Variants in STXBP4 observed in about 807,000 individuals in gnomAD.
The protein encoded by STXBP4 is syntaxin-binding protein 4.
A neutral mutation model predicts 76.1 loss-of-function variants in STXBP4; 55 were observed. That is an observed-to-expected ratio of 0.72 (90% CI 0.58 to 0.91). STXBP4 has a LOEUF of 0.91. Ranked by LOEUF, STXBP4 falls within the 40% of genes least tolerant of loss-of-function variation. The probability of loss-of-function intolerance (pLI) is 0.00; values close to 1 mark genes in which losing one functional copy is unlikely to be tolerated. For missense variants in STXBP4, 618 were observed against 636.9 expected (o/e 0.97, Z 0.32); for synonymous variants, 201 against 220.2 (o/e 0.91, Z 0.77).
At chr17:55,025,004 G>T (rs1008638781) in intron 8 of STXBP4, among the ~76,000 whole-genome samples, 1 of 152,048 alleles carries the variant, frequency 6.6e-6, no homozygotes, top group Non-Finnish European at 1.5e-5. Context: ...AGCCGGGCAT[G>T]GTGGCGGGTG....
chr17:54,973,413 A>G (rs1222202426), intron 1 of STXBP4, among the ~76,000 whole-genome samples: 3 of 152,194 alleles, frequency 2.0e-5, no homozygotes, highest in African/African-American at 4.8e-5. Context: ...TTAGATGCCT[A>G]TTTGTAAGAT....
intron 1 of STXBP4, among the ~76,000 whole-genome samples, chr17:54,982,595 TG>T (rs2077565805): frequency 1.1e-3 from 2 of 1,746 alleles, no homozygotes; most frequent in South Asian, 0.1. Context: ...GAGGGTGGTT[TG>T]TGTGTGTGTG....
chr17:55,081,952 A>G lies in STXBP4; in HGVS notation c.1489+769A>G, dbSNP rs966886076. ...TTTTTCTTTTTGTGTCTCTCCAGAC[A>G]CTTTTGTCTCTTTATGAATTTCAAC... is the stretch of plus-strand genomic sequence containing the variant. On this transcript the variant is annotated intron_variant, in intron 16 of 17. Coordinates refer to ENST00000376352, the MANE Select transcript of STXBP4 (RefSeq NM_178509.6). 6.6e-5 allele frequency among the ~76,000 whole-genome samples: 10 copies of G among 152,270 alleles called. No individual in the cohort carries two copies. In the East Asian group the frequency reaches 1.9e-3, roughly 29 times the overall value.
intron 12 of STXBP4, among the ~76,000 whole-genome samples, chr17:55,068,787 GTC>G (rs2079084591): frequency 6.6e-6 from 1 of 152,046 alleles, no homozygotes; most frequent in African/African-American, 2.4e-5. Flanking sequence ...AGCAAACTGA[GTC>G]TTAGAGAATT....
At chr17:55,186,508 C>G in the STXBP4 span, among the ~76,000 whole-genome samples, 1 of 152,018 alleles carries the variant, frequency 6.6e-6, no homozygotes, top group African/African-American at 2.4e-5. Context: ...TATATCTTTA[C>G]TAAAATCCAA....
At chr17:55,064,705 C>T (rs1224314143) in intron 12 of STXBP4, among the ~76,000 whole-genome samples, 2 of 152,098 alleles carry the variant, frequency 1.3e-5, no homozygotes, top group East Asian at 3.9e-4. Flanking sequence ...AGGGTTTCAC[C>T]ATGTTGGTCA....
chr17:55,024,714 A>C (rs1003449918), intron 8 of STXBP4, among the ~76,000 whole-genome samples: 1 of 152,234 alleles, frequency 6.6e-6, no homozygotes, highest in African/African-American at 2.4e-5. Flanking sequence ...AATGTTCATC[A>C]ATAAAAGAAC....
chr17:55,162,739 T>C lies in STXBP4; in HGVS notation c.*2828T>C, dbSNP rs908734289. The stretch of plus-strand genomic sequence containing the variant: ...ACTTTCCAGAGGTAGCAGTCACTAA[T>C]ACTGTGGTGAGTGATTTTACTCAAA... On this transcript the variant is annotated 3_prime_UTR_variant, in exon 18 of 18. Coordinates refer to ENST00000376352, the MANE Select transcript of STXBP4 (RefSeq NM_178509.6). 3.3e-5 allele frequency: 5 copies of C among 152,216 alleles called. No individual in the cohort carries two copies. The highest frequency in any genetic ancestry group is 9.6e-5 in the African/African-American group (4 of 41,464). The allele number at this position is 152,216 out of a possible 1,614,324, so 9.4% of individuals were successfully genotyped here.
At chr17:55,052,061 T>A (rs2144781955) in intron 12 of STXBP4, among the ~76,000 whole-genome samples, 1 of 152,178 alleles carries the variant, frequency 6.6e-6, no homozygotes, top group Non-Finnish European at 1.5e-5. Flanking sequence ...TATATGTATA[T>A]TTTCCCTAGC....
chr17:55,078,042 A>C (rs1442214780), intron 13 of STXBP4, 36 bp from the exon 14 acceptor site: 1 of 1,354,940 alleles, frequency 7.4e-7, no homozygotes, highest in East Asian at 2.4e-5. Flanking sequence ...AAAACTGAAG[A>C]AATGTGTAAA....
intron 17 of STXBP4, among the ~76,000 whole-genome samples, chr17:55,144,005 G>GCGCACACACA (rs373154905): frequency 7.2e-6 from 1 of 138,938 alleles, no homozygotes; most frequent in African/African-American, 2.7e-5. Flanking sequence ...AAAGCCACCT[G>GCGCACACACA]CACACACACA....
chr17:55,033,863 A>T (rs1043829899), intron 9 of STXBP4, among the ~76,000 whole-genome samples: 1 of 152,198 alleles, frequency 6.6e-6, no homozygotes, highest in African/African-American at 2.4e-5. Flanking sequence ...AAATCATAAT[A>T]TTGTCAAATG....
intron 16 of STXBP4, among the ~76,000 whole-genome samples, chr17:55,103,618 C>T (rs1319380195): frequency 3.9e-4 from 56 of 145,414 alleles, no homozygotes; most frequent in Non-Finnish European, 6.6e-4. Context: ...TGTATGGGCT[C>T]TTTTTTGGTT....
At chr17:55,064,732 G>A (rs1160181206) in intron 12 of STXBP4, among the ~76,000 whole-genome samples, 1 of 152,078 alleles carries the variant, frequency 6.6e-6, no homozygotes, top group East Asian at 1.9e-4. Context: ...TCTCGAACTC[G>A]TGACCTTGCG....
At chr17:54,986,315 A>G (rs974010087) in intron 3 of STXBP4, 49 bp downstream of exon 3, 3 of 1,393,924 alleles carry the variant, frequency 2.2e-6, no homozygotes, top group Non-Finnish European at 3.0e-6. Flanking sequence ...AAATATGTAA[A>G]CTATTAATGA....
rs1401647989 is a variant in STXBP4 at position 55,170,624 on chromosome 17, G to T, written c.*10713G>T. The T allele has an allele frequency of 6.6e-6, 1 of 151,978 alleles. No homozygotes were observed. The highest frequency in any genetic ancestry group is 6.6e-5 in the Admixed American group (1 of 15,264). 9.4% of individuals were successfully genotyped at this position (151,978 alleles called of 1,614,324 possible). ...TATTTTCTAGGATTATTTTGCTTTAGAATTCTATGTATAATCCTGTGAAAA... is the reference window on the plus strand; with the variant it reads ...TATTTTCTAGGATTATTTTGCTTTATAATTCTATGTATAATCCTGTGAAAA... On this transcript the variant is annotated 3_prime_UTR_variant, in exon 18 of 18. Transcript: ENST00000376352.
intron 17 of STXBP4, among the ~76,000 whole-genome samples, chr17:55,144,997 AAT>A (rs2080136667): frequency 1.3e-5 from 2 of 152,186 alleles, no homozygotes; most frequent in African/African-American, 4.8e-5. Context: ...CCTGGCCCAA[AAT>A]AGACACTTTC....
chr17:55,197,732 G>A, the STXBP4 span, among the ~76,000 whole-genome samples: 1 of 148,454 alleles, frequency 6.7e-6, no homozygotes, highest in Non-Finnish European at 1.5e-5. Context: ...GACAGAGTGA[G>A]ACTCAGTCTC....
chr17:55,034,058 A>T, intron 9 of STXBP4, 110 bp from the exon 10 acceptor site: 1 of 701,044 alleles, frequency 1.4e-6, no homozygotes, highest in Non-Finnish European at 2.4e-6. Flanking sequence ...ATACTATTTT[A>T]AGATAATTTA....
Sources: allele counts gnomAD v4.1 joint callset (sites outside exome capture counted in the v4.1 genomes callset), GRCh38; gene constraint gnomAD v4.1.1; transcripts MANE v1.5; gene names NCBI Gene and HGNC (gene_info 2026-07-23, HGNC 2026-07-21).